Variants in EPHA6 observed in about 807,000 individuals in gnomAD.
The protein encoded by EPHA6 is ephrin type-A receptor 6.
In EPHA6, 50 loss-of-function variants were observed where a neutral mutation model predicts 112.0. The observed-to-expected ratio is 0.45, with a 90% CI of 0.36 to 0.56. The LOEUF is 0.56. EPHA6 is among the 20% of genes least tolerant of loss of function. The pLI is 0.00. For missense variants in EPHA6, 1,280 were observed against 1,417.4 expected (o/e 0.90, Z 1.56); for synonymous variants, 529 against 490.7 (o/e 1.08, Z -1.03).
chr3:97,637,380 CTTTT>C (rs912448154), intron 13 of EPHA6, among the ~76,000 whole-genome samples: 2 of 151,460 alleles, frequency 1.3e-5, no homozygotes, highest in African/African-American at 4.9e-5. Flanking sequence ...TATACCATCA[CTTTT>C]TTTTTCCTGA....
At chr3:97,151,773 T>C (rs1387932180) in intron 3 of EPHA6, among the ~76,000 whole-genome samples, 1 of 152,086 alleles carries the variant, frequency 6.6e-6, no homozygotes, top group Non-Finnish European at 1.5e-5. Context: ...AATTATTTCA[T>C]TTTCACTTTA....
At chr3:97,465,466 T>C (rs955856142) in intron 7 of EPHA6, among the ~76,000 whole-genome samples, 1 of 152,018 alleles carries the variant, frequency 6.6e-6, no homozygotes. Context: ...AGCCATAGTT[T>C]TGTGCTACCA....
chr3:97,362,353 A>G (rs1165319058), intron 5 of EPHA6, among the ~76,000 whole-genome samples: 1 of 152,144 alleles, frequency 6.6e-6, no homozygotes, highest in Non-Finnish European at 1.5e-5. Flanking sequence ...AAAAATCACA[A>G]TACATTATAG....
intron 5 of EPHA6, among the ~76,000 whole-genome samples, chr3:97,245,556 G>A (rs2078964350): frequency 6.6e-6 from 1 of 151,932 alleles, no homozygotes; most frequent in Admixed American, 6.6e-5. Flanking sequence ...TGAATGTGTT[G>A]TGATAATACT....
intron 5 of EPHA6, among the ~76,000 whole-genome samples, chr3:97,403,533 G>A (rs1358059979): frequency 2.0e-5 from 3 of 152,130 alleles, no homozygotes; most frequent in Admixed American, 6.5e-5. Flanking sequence ...TGCAAACTCC[G>A]CCTCCCGGGT....
At chr3:97,015,365 A>C (rs2044229550) in intron 3 of EPHA6, among the ~76,000 whole-genome samples, 1 of 152,158 alleles carries the variant, frequency 6.6e-6, no homozygotes, top group African/African-American at 2.4e-5. Context: ...TTTACCCCAG[A>C]AACATAGGTG....
intron 2 of EPHA6, among the ~76,000 whole-genome samples, chr3:96,966,459 T>G (rs2042124369): frequency 6.6e-6 from 1 of 152,140 alleles, no homozygotes; most frequent in Non-Finnish European, 1.5e-5. Context: ...AGGAATTTAC[T>G]GTTTCTTAAA....
Position 97,759,387 on chromosome 3 carries a change from G to C in EPHA6, c.*10686G>C, listed in dbSNP as rs1365138337. The C allele has an allele frequency of 8.9e-6, 2 of 225,068 alleles. No individual in the cohort carries two copies. The highest frequency in any genetic ancestry group is 1.8e-5 in the Non-Finnish European group (2 of 112,978). 13.9% of individuals were successfully genotyped at this position (225,068 alleles called of 1,614,324 possible). On this transcript the variant is annotated 3_prime_UTR_variant, in exon 18 of 18. Transcript: ENST00000389672. ...ATAAACAACTCTCTCAAAAAGCTTT[G>C]ATGTAAAGGGAGCAAGAGAAATAGG...
At chr3:97,560,733 G>C (rs1162233213) in intron 11 of EPHA6, 1 of 152,010 alleles carries the variant, frequency 6.6e-6, no homozygotes, top group Non-Finnish European at 1.5e-5. Flanking sequence ...TAGCATCTAA[G>C]AGAAAGACAA....
At chr3:97,638,680 G>A (rs1234608933) in intron 14 of EPHA6, among the ~76,000 whole-genome samples, 1 of 152,130 alleles carries the variant, frequency 6.6e-6, no homozygotes, top group Non-Finnish European at 1.5e-5. Context: ...TATGGATAGT[G>A]TAAATATTTC....
At chr3:97,106,638 T>C (rs2108272660) in intron 3 of EPHA6, among the ~76,000 whole-genome samples, 1 of 152,202 alleles carries the variant, frequency 6.6e-6, no homozygotes, top group Non-Finnish European at 1.5e-5. Context: ...AACCCCAGGA[T>C]ACAGAAAGCC....
chr3:97,454,452 T>G (rs1220315350), intron 7 of EPHA6, among the ~76,000 whole-genome samples: 2 of 151,640 alleles, frequency 1.3e-5, no homozygotes, highest in East Asian at 3.9e-4. Flanking sequence ...TACTAAATAT[T>G]AATATTAAAA....
chr3:97,404,031 C>T (rs1305341705), intron 5 of EPHA6, among the ~76,000 whole-genome samples: 1 of 152,066 alleles, frequency 6.6e-6, no homozygotes, highest in Admixed American at 6.5e-5. Flanking sequence ...CTTCATAATT[C>T]TCTAGTGGAT....
intron 14 of EPHA6, among the ~76,000 whole-genome samples, chr3:97,664,218 G>T (rs568056203): frequency 6.6e-6 from 1 of 152,274 alleles, no homozygotes; most frequent in African/African-American, 2.4e-5. Context: ...TGAGTTCTTT[G>T]TAGATTCTGG....
chr3:97,748,791 T>C lies in EPHA6; in HGVS notation c.*90T>C, dbSNP rs2035819989. The stretch of plus-strand genomic sequence containing the variant: ...ACTCTCTCTTCTGATTCTCCAAACA[T>C]CACTTCACAAACTGCAGTCTTCTGT... On this transcript the variant is annotated 3_prime_UTR_variant, in exon 18 of 18. Coordinates refer to ENST00000389672, the MANE Select transcript of EPHA6 (RefSeq NM_001080448.3). The C allele has an allele frequency of 2.7e-6, 2 of 742,332 alleles. No homozygotes were observed. 46.0% of individuals were successfully genotyped at this position (742,332 alleles called of 1,614,324 possible). A position where few individuals can be genotyped will look rare whatever the true frequency, so the allele number is the denominator to read the frequency against.
intron 10 of EPHA6, among the ~76,000 whole-genome samples, chr3:97,515,754 G>A (rs918278821): frequency 6.6e-6 from 1 of 152,070 alleles, no homozygotes; most frequent in Non-Finnish European, 1.5e-5. Flanking sequence ...CAGGTGAAGA[G>A]AAAAATTTAA....
chr3:96,937,236 G>T (rs1046841305), intron 2 of EPHA6, among the ~76,000 whole-genome samples: 3 of 152,140 alleles, frequency 2.0e-5, no homozygotes, highest in African/African-American at 7.2e-5. Flanking sequence ...GTGTAAAAGT[G>T]TTCCTATTTC....
At chr3:97,486,731 G>A (rs1307486349) in intron 10 of EPHA6, among the ~76,000 whole-genome samples, 1 of 152,192 alleles carries the variant, frequency 6.6e-6, no homozygotes, top group Non-Finnish European at 1.5e-5. Flanking sequence ...GTGCACTTGA[G>A]GGGACACATT....
At chr3:97,332,708 GA>G (rs1289199519) in intron 5 of EPHA6, among the ~76,000 whole-genome samples, 1 of 152,068 alleles carries the variant, frequency 6.6e-6, no homozygotes, top group East Asian at 1.9e-4. Context: ...ATTCTTTGGA[GA>G]AAGGGATATA....
Sources: allele counts gnomAD v4.1 joint callset (sites outside exome capture counted in the v4.1 genomes callset), GRCh38; gene constraint gnomAD v4.1.1; transcripts MANE v1.5; gene names NCBI Gene and HGNC (gene_info 2026-07-23, HGNC 2026-07-21).